Variants in DDX56 observed in about 807,000 individuals in gnomAD.
DDX56 encodes probable ATP-dependent RNA helicase DDX56.
In DDX56, 45 loss-of-function variants were observed where a neutral mutation model predicts 61.5. The observed-to-expected ratio is 0.73, with a 90% CI of 0.58 to 0.94. DDX56 has a LOEUF of 0.94. Ranked by LOEUF, DDX56 falls within the 40% of genes least tolerant of loss-of-function variation. The pLI, the probability that DDX56 is intolerant of heterozygous loss-of-function variation, is 0.00. For missense variants in DDX56, 708 were observed against 690.7 expected, an observed-to-expected ratio of 1.02 and a Z score of -0.28; for synonymous variants, 273 against 268.3, an observed-to-expected ratio of 1.02 and a Z score of -0.17.
In DDX56 at chr7:44,566,497, C is replaced by T. The variant is rs141049623; in HGVS notation, c.1517G>A (p.Arg506His). ...CAGCTTCTTCCGCTTCTTGTGAGGG[C>T]GCACCAGGCCACGGAGAGCAGGAGG... is the stretch of plus-strand genomic sequence containing the variant. ...LVPPALRGLV[R>H]PHKKRKKLSS... is the part of the protein sequence containing the mutation. The change falls in exon 13 of 14, where the codon CGC becomes CAC. Residue 506 changes from arginine to histidine, a missense_variant. Physicochemically the swap from Arg to His is conservative, Grantham distance 29. Coordinates refer to ENST00000258772, the MANE Select transcript of DDX56 (RefSeq NM_019082.4). The T allele has an allele frequency of 9.5e-5, 149 of 1,567,860 alleles. 2 individuals are homozygous for T. The Middle Eastern group carries it at 1.3e-3, about 14-fold the overall frequency.
chr7:44,571,840 T>C, intron 5 of DDX56, 104 bp from the exon 6 acceptor site: 10 of 1,460,388 alleles, frequency 6.8e-6, no homozygotes, highest in Non-Finnish European at 9.3e-6. Context: ...AGGGCAGAGA[T>C]GCATTTAAGG....
intron 7 of DDX56, 119 bp downstream of exon 7, chr7:44,570,639 A>G (rs1231965676): frequency 4.4e-6 from 6 of 1,352,502 alleles, no homozygotes; most frequent in African/African-American, 1.5e-5. Context: ...TCTGGGCTAC[A>G]CTACCAGCCA....
Position 44,565,914 on chromosome 7 carries a change from G to A in DDX56, c.*88C>T, listed in dbSNP as rs938584295. The A allele has an allele frequency of 9.7e-7, 1 of 1,026,546 alleles. No individual in the cohort carries two copies. Among genetic ancestry groups the A allele is most frequent in the Non-Finnish European group, 1.5e-6 (1 of 662,434 alleles). The allele number at this position is 1,026,546 out of a possible 1,614,324, so 63.6% of individuals were successfully genotyped here. ...GGCCCCAGAACTGTCTGTTCAGGCTGTGCAGTAAGCACCAGAGCCTCGCCT... is the reference window on the plus strand; with the variant it reads ...GGCCCCAGAACTGTCTGTTCAGGCTATGCAGTAAGCACCAGAGCCTCGCCT... On this transcript the variant is annotated 3_prime_UTR_variant, in exon 14 of 14. Transcript: ENST00000258772.
chr7:44,565,977 T>C lies in DDX56; in HGVS notation c.*25A>G. 1 of 1,574,902 alleles carries C rather than the reference T, an allele frequency of 6.3e-7. No homozygotes were observed. Among genetic ancestry groups the C allele is most frequent in the Non-Finnish European group, 8.7e-7 (1 of 1,147,164 alleles). On this transcript the variant is annotated 3_prime_UTR_variant, in exon 14 of 14. Transcript: ENST00000258772. Reference sequence around the variant, plus strand: ...TGTAAGCCTGTGCTCCACAATGTGCTCAGCTCCAGAGAGGCCCAACAACCT... The same window carrying C: ...TGTAAGCCTGTGCTCCACAATGTGCCCAGCTCCAGAGAGGCCCAACAACCT...
chr7:44,573,330 T>C (rs1802728514), intron 2 of DDX56, among the ~76,000 whole-genome samples: 1 of 152,242 alleles, frequency 6.6e-6, no homozygotes, highest in African/African-American at 2.4e-5. Context: ...AAAAGATAGA[T>C]GTGCTCCCTT....
At chr7:44,573,765 T>A (rs745894765) in intron 1 of DDX56, 21 bp from the exon 2 acceptor site, 1 of 1,613,220 alleles carries the variant, frequency 6.2e-7, no homozygotes, top group African/African-American at 1.3e-5. Context: ...AGGAGTGCGG[T>A]TTAAGCGGCG....
intron 11 of DDX56, among the ~76,000 whole-genome samples, chr7:44,568,506 T>G (rs1042476242): frequency 6.6e-6 from 1 of 152,178 alleles, no homozygotes; most frequent in South Asian, 2.1e-4. Flanking sequence ...CGGCTCTGAA[T>G]GCACCTGAGT....
chr7:44,568,313 G>A, intron 11 of DDX56, 90 bp from the exon 12 acceptor site: 1 of 904,438 alleles, frequency 1.1e-6, no homozygotes, highest in African/African-American at 1.7e-5. Flanking sequence ...ACACTCATGT[G>A]TTTCAAAAGG....
In DDX56 at chr7:44,573,819, C is replaced by G. The variant is rs546985502; in HGVS notation, c.60+17G>C. 2.5e-5 allele frequency: 41 copies of G among 1,613,340 alleles called. 1 individual carries two copies. The South Asian group carries it at 4.4e-4, about 17-fold the overall frequency. On this transcript the variant is annotated intron_variant, in intron 1 of 13. Coordinates refer to ENST00000258772, the MANE Select transcript of DDX56 (RefSeq NM_019082.4). ...CCCGCAGAGCCCGTAAGCCGGCTCC[C>G]CAGCCCTCGCGTGTACCTGAAGGAG...
chr7:44,571,220 G>A (rs550735106), intron 6 of DDX56, among the ~76,000 whole-genome samples: 1 of 152,164 alleles, frequency 6.6e-6, no homozygotes, highest in Non-Finnish European at 1.5e-5. Context: ...TGTATTTTTA[G>A]TAGAGACGGG....
At chr7:44,566,622 C>T in intron 12 of DDX56, 98 bp from the exon 13 acceptor site, 3 of 928,320 alleles carry the variant, frequency 3.2e-6, no homozygotes, top group Non-Finnish European at 4.8e-6. Context: ...TCTGACCCAA[C>T]TGGCAGCCTA....
rs759267727 is a variant in DDX56 at position 44,572,941 on chromosome 7, C to T, written c.332G>A (p.Arg111Gln). The change falls in exon 3 of 14, where the codon CGG (arginine) becomes CAG (glutamine). Residue 111 changes from arginine to glutamine, a missense_variant. Physicochemically the swap from Arg to Gln is conservative, Grantham distance 43 (BLOSUM62 1). Coordinates refer to ENST00000258772, the MANE Select transcript of DDX56 (RefSeq NM_019082.4). ...TGAGACATTGGCCACTCGGACATCC[C>T]GAGCACAGTAGGTAGCCAGCTGCTG... ...MIQQLATYCA[R>Q]DVRVANVSAA... 2.5e-6 allele frequency: 4 copies of T among 1,611,514 alleles called. No individual in the cohort carries two copies. The highest frequency in any genetic ancestry group is 1.6e-4 in the Middle Eastern group (1 of 6,078).
chr7:44,566,318 GC>G, intron 13 of DDX56, 129 bp downstream of exon 13: 1 of 906,066 alleles, frequency 1.1e-6, no homozygotes, highest in Non-Finnish European at 1.8e-6. Flanking sequence ...GTTCTAGGGT[GC>G]CCCCTCTTCC....
chr7:44,566,500 A>G lies in DDX56; in HGVS notation c.1514T>C (p.Val505Ala), dbSNP rs1127809. The G allele has an allele frequency of 6.4e-7, 1 of 1,565,668 alleles. No homozygotes were observed. ...CTTCTTCCGCTTCTTGTGAGGGCGCACCAGGCCACGGAGAGCAGGAGGAAC... is the reference window on the plus strand; with the variant it reads ...CTTCTTCCGCTTCTTGTGAGGGCGCGCCAGGCCACGGAGAGCAGGAGGAAC... ...YLVPPALRGL[V>A]RPHKKRKKLS... The change falls in exon 13 of 14, where the codon GTG becomes GCG. Residue 505 changes from valine to alanine, a missense_variant. Val to Ala is a moderately conservative substitution (Grantham distance 64). Coordinates refer to ENST00000258772, the MANE Select transcript of DDX56 (RefSeq NM_019082.4).
rs200814587 is a variant in DDX56 at position 44,566,125 on chromosome 7, G to A, written c.1567-46C>T. 266 of 1,307,006 alleles carry A rather than the reference G, an allele frequency of 2.0e-4. 1 individual carries two copies. In the African/African-American group the frequency reaches 3.4e-3, roughly 17 times the overall value. 81.0% of individuals were successfully genotyped at this position (1,307,006 alleles called of 1,614,324 possible). On this transcript the variant is annotated intron_variant, in intron 13 of 13. Transcript: ENST00000258772. ...GTTAGTTGGGGGAATCAGGCCGACA[G>A]ACAATCCACCCACCCACCCACCCAA...
chr7:44,572,419 G>A lies in DDX56; in HGVS notation c.573C>T (p.Tyr191=), dbSNP rs1427515500. The change falls in exon 5 of 14, where the codon TAC becomes TAT. Residue 191 remains tyrosine (Y), a synonymous_variant. Coordinates refer to ENST00000258772, the MANE Select transcript of DDX56 (RefSeq NM_019082.4). ...AAGTAGCTGACATGAGAAAAGCCTGGTAAATCCGGGGCAAGTGACTGAAAT... is the reference window on the plus strand; with the variant it reads ...AAGTAGCTGACATGAGAAAAGCCTGATAAATCCGGGGCAAGTGACTGAAAT... The part of the protein sequence containing the change: ...KSLLCHLPRI[Y]QAFLMSATFN... 1.9e-6 allele frequency: 3 copies of A among 1,614,106 alleles called. No homozygotes were observed. The highest frequency in any genetic ancestry group is 2.2e-5 in the East Asian group (1 of 44,888).
At position 44,572,614 on chromosome 7, in the gene DDX56, AAAG is replaced by A. The variant is rs763738678; in HGVS notation, c.511_513del (p.Leu171del). ...AGCTCTTCTTCAAAGCCAAAGGAAA[AAAG>A]AAGGTCAGCTTCGTCCACCACCAAA... On this transcript the variant is annotated inframe_deletion, in exon 4 of 14. Transcript: ENST00000258772. 1.7e-5 allele frequency: 28 copies of A among 1,614,166 alleles called. No homozygotes were observed. The highest frequency in any genetic ancestry group is 3.3e-5 in the Admixed American group (2 of 60,028).
Position 44,573,004 on chromosome 7 carries a change from G to T in DDX56, c.269C>A (p.Pro90His). The change falls in exon 3 of 14, where the codon CCT (proline) becomes CAT (histidine). Residue 90 changes from proline (P) to histidine (H), a missense_variant. By Grantham distance (77) the Pro-to-His change is moderately conservative. Transcript: ENST00000258772. ...TGCTTGCCGTGCCAGCTCCTTGGTAGGAACAAGAACAAGGCCTCTCACTGC... is the reference window on the plus strand; with the variant it reads ...TGCTTGCCGTGCCAGCTCCTTGGTATGAACAAGAACAAGGCCTCTCACTGC... ...EQAVRGLVLVPTKELARQAQS... is the reference protein window; with the variant it reads ...EQAVRGLVLVHTKELARQAQS... 6.2e-7 allele frequency: 1 copy of T among 1,612,108 alleles called. No individual in the cohort carries two copies. Among genetic ancestry groups the T allele is most frequent in the Non-Finnish European group, 8.5e-7 (1 of 1,179,102 alleles).
At chr7:44,569,508 A>C (rs1274515131) in intron 9 of DDX56, among the ~76,000 whole-genome samples, 1 of 152,152 alleles carries the variant, frequency 6.6e-6, no homozygotes, top group Non-Finnish European at 1.5e-5. Flanking sequence ...GACGACGGCC[A>C]CAGAGAGCAG....
Sources: gnomAD v4.1 joint callset for allele counts (sites outside exome capture counted in the v4.1 genomes callset) on GRCh38, gnomAD v4.1.1 for gene constraint, MANE v1.5 for transcripts, NCBI Gene and HGNC (gene_info 2026-07-23, HGNC 2026-07-21) for gene names.